HIBCH: variants seen among roughly 807,000 people sequenced by gnomAD.
The protein encoded by HIBCH is 3-hydroxyisobutyryl-CoA hydrolase, mitochondrial.
HIBCH carries 50 observed loss-of-function variants against 58.2 expected under a neutral mutation model. That is an observed-to-expected ratio of 0.86 (90% CI 0.68 to 1.09). The LOEUF (loss-of-function observed/expected upper bound fraction) is 1.09, where lower values mean the gene tolerates loss of function less well. Ranked by LOEUF, HIBCH falls within the 50% of genes least tolerant of loss-of-function variation. The pLI, the probability that HIBCH is intolerant of heterozygous loss-of-function variation, is 0.00. For missense variants in HIBCH, 450 were observed against 449.7 expected, an observed-to-expected ratio of 1.00 and a Z score of -0.01; for synonymous variants, 151 against 146.9, an observed-to-expected ratio of 1.03 and a Z score of -0.20.
chr2:190,262,459 C>A (rs546415543), intron 6 of HIBCH, among the ~76,000 whole-genome samples: 37 of 152,266 alleles, frequency 2.4e-4, no homozygotes, highest in African/African-American at 8.4e-4. Flanking sequence ...AGAACTAGAC[C>A]TAGATCCTGC....
intron 11 of HIBCH, among the ~76,000 whole-genome samples, chr2:190,240,091 T>C (rs1464906403): frequency 1.3e-5 from 2 of 152,248 alleles, no homozygotes; most frequent in Admixed American, 6.5e-5. Context: ...CTCCTCTTCA[T>C]ACCTCTGGCA....
Position 190,236,295 on chromosome 2 carries a change from AT to A in HIBCH, c.891+8591del, listed in dbSNP as rs761785775. 1.2e-4 allele frequency among the ~76,000 whole-genome samples: 18 copies of A among 152,210 alleles called. No homozygotes were observed. Among genetic ancestry groups the A allele is most frequent in the Non-Finnish European group, 2.5e-4 (17 of 68,028 alleles). On this transcript the variant is annotated intron_variant, in intron 11 of 13. Coordinates refer to ENST00000359678, the MANE Select transcript of HIBCH (RefSeq NM_014362.4). This position sits in a 1 kb window ranked among gnomAD's most constrained non-coding sequence, Gnocchi z 4.1. Reference sequence around the variant, plus strand: ...TGAAGGTAAAATTTAATTCACAAGTATTTTAATAATAAGTCACATCATCTGT... The same window carrying A: ...TGAAGGTAAAATTTAATTCACAAGTATTTAATAATAAGTCACATCATCTGT...
intron 1 of HIBCH, among the ~76,000 whole-genome samples, chr2:190,194,563 GTTAT>G (rs1432118867): frequency 6.6e-6 from 1 of 150,956 alleles, no homozygotes; most frequent in Non-Finnish European, 1.5e-5. Context: ...TGAAATCCAC[GTTAT>G]TTTAGGGTTC....
chr2:190,196,121 G>A (rs991282654), intron 1 of HIBCH, among the ~76,000 whole-genome samples: 5 of 151,480 alleles, frequency 3.3e-5, no homozygotes, highest in African/African-American at 1.2e-4. Context: ...TTCATATGTT[G>A]GTTTTCTAAT....
chr2:190,302,849 GCTAA>G (rs1362581101), intron 2 of HIBCH, among the ~76,000 whole-genome samples: 1 of 152,308 alleles, frequency 6.6e-6, no homozygotes, highest in East Asian at 1.9e-4. Flanking sequence ...TGATAAGGAA[GCTAA>G]CTAACTTTGG....
intron 6 of HIBCH, among the ~76,000 whole-genome samples, chr2:190,270,492 A>C (rs545141280): frequency 6.6e-6 from 1 of 152,320 alleles, no homozygotes; most frequent in Admixed American, 6.5e-5. Flanking sequence ...GATGTGACTG[A>C]TGTTTACAGA....
At chr2:190,237,316 G>A (rs1018905451) in intron 11 of HIBCH, among the ~76,000 whole-genome samples, 1 of 152,172 alleles carries the variant, frequency 6.6e-6, no homozygotes. Flanking sequence ...CATACAATGA[G>A]TGGTCCTTTG....
rs1687654287 is a variant in HIBCH at position 190,279,760 on chromosome 2, G to C, written c.438+7826C>G. The C allele has an allele frequency of 5.3e-6, 1 of 187,466 alleles. No homozygotes were observed. The highest frequency in any genetic ancestry group is 1.6e-4 in the East Asian group (1 of 6,282). The allele number at this position is 187,466 out of a possible 1,614,324, so 11.6% of individuals were successfully genotyped here. On this transcript the variant is annotated intron_variant, in intron 6 of 13. Coordinates refer to ENST00000359678, the MANE Select transcript of HIBCH (RefSeq NM_014362.4). The surrounding 1 kb of genome is among the most constrained non-coding windows in gnomAD (Gnocchi z 4.2). ...CTTATACTGGTCCAAGCAAGCATTAGGTCATAGCCTGTTCCTCTTCCTTAT... is the reference window on the plus strand; with the variant it reads ...CTTATACTGGTCCAAGCAAGCATTACGTCATAGCCTGTTCCTCTTCCTTAT...
rs575534584 is a variant in HIBCH, at chr2:190,284,016, G to A, written c.438+3570C>T. On this transcript the variant is annotated intron_variant, in intron 6 of 13. Transcript: ENST00000359678. ...AAACAGACTGCTAGGCCCCAGCCTC[G>A]AGACTGATTCTCTAGGCAAACCCAA... Among the ~76,000 whole-genome samples, 70 of 152,304 alleles carry A rather than the reference G, an allele frequency of 4.6e-4. No individual in the cohort carries two copies. The South Asian group carries it at 0.013, about 29-fold the overall frequency.
intron 11 of HIBCH, among the ~76,000 whole-genome samples, chr2:190,228,683 A>G (rs1685996087): frequency 1.3e-5 from 2 of 152,160 alleles, no homozygotes; most frequent in South Asian, 4.1e-4. Context: ...ACACATTTCT[A>G]CTTCTTATGG....
intron 2 of HIBCH, among the ~76,000 whole-genome samples, chr2:190,305,892 G>A (rs1192549578): frequency 6.6e-6 from 1 of 151,776 alleles, no homozygotes; most frequent in East Asian, 1.9e-4. Flanking sequence ...TAATTAAGGG[G>A]GCAACCACAG....
rs551586481 is a variant in HIBCH, at chr2:190,292,007, G to C, written c.305-1522C>G. Reference sequence around the variant, plus strand: ...TTTGTTTTTTGTTTGTTTTGAGACAGAATCTCGCTTTGTTGCCCAGGCTGG... The same window carrying C: ...TTTGTTTTTTGTTTGTTTTGAGACACAATCTCGCTTTGTTGCCCAGGCTGG... On this transcript the variant is annotated intron_variant, in intron 4 of 13. Coordinates refer to ENST00000359678, the MANE Select transcript of HIBCH (RefSeq NM_014362.4). Among the ~76,000 whole-genome samples, 10 of 152,302 alleles carry C rather than the reference G, an allele frequency of 6.6e-5. No individual in the cohort carries two copies. The South Asian group carries it at 2.1e-3, about 32-fold the overall frequency.
chr2:190,225,980 A>G lies in HIBCH; in HGVS notation c.892-12905T>C, dbSNP rs989703884. Among the ~76,000 whole-genome samples the G allele has an allele frequency of 5.3e-5, 8 of 151,716 alleles. 1 individual carries two copies. Among genetic ancestry groups the G allele is most frequent in the Non-Finnish European group, 8.9e-5 (6 of 67,748 alleles). ...GCTGGTTCAACATACACAAATCAAT[A>G]AACGTAACAGACCCAAGGACAAAAA... On this transcript the variant is annotated intron_variant, in intron 11 of 13. Coordinates refer to ENST00000359678, the MANE Select transcript of HIBCH (RefSeq NM_014362.4).
rs17736581 is a variant in HIBCH, at chr2:190,246,319, A to G, written c.751-107T>C. The G allele has an allele frequency of 0.1, 72,565 of 692,698 alleles. 4,547 individuals carry two copies. Among genetic ancestry groups the G allele is most frequent in the Middle Eastern group, 0.19 (492 of 2,538 alleles). The allele number at this position is 692,698 out of a possible 1,614,324, so 42.9% of individuals were successfully genotyped here. ...TGAAAGATTGTCACTTGTCACTTTC[A>G]GTCAAATTACATCTAACTGTCTCAT... On this transcript the variant is annotated intron_variant, in intron 9 of 13. Coordinates refer to ENST00000359678, the MANE Select transcript of HIBCH (RefSeq NM_014362.4).
intron 2 of HIBCH, among the ~76,000 whole-genome samples, chr2:190,309,170 G>C (rs1482089917): frequency 6.6e-6 from 1 of 152,134 alleles, no homozygotes; most frequent in East Asian, 1.9e-4. Context: ...GTTTACACTA[G>C]TTAGGATAAA....
rs1358254521 is a variant in HIBCH at position 190,315,908 on chromosome 2, T to G, written c.35+3808A>C. ...GAAATACAAATTCAATTTTTTGAAT[T>G]TGAATTTGTACTGACATAAGCAGAA... On this transcript the variant is annotated intron_variant, in intron 1 of 13. Transcript: ENST00000359678. This position sits in a 1 kb window ranked among gnomAD's most constrained non-coding sequence, Gnocchi z 5.4. 6.6e-6 allele frequency among the ~76,000 whole-genome samples: 1 copy of G among 152,134 alleles called. No individual in the cohort carries two copies. The highest frequency in any genetic ancestry group is 2.4e-5 in the African/African-American group (1 of 41,422).
chr2:190,292,926 C>A (rs193302191), intron 4 of HIBCH, among the ~76,000 whole-genome samples: 5 of 152,138 alleles, frequency 3.3e-5, no homozygotes, highest in Admixed American at 6.5e-5. Flanking sequence ...TGAAAATTTT[C>A]TGAGTGTCCA....
chr2:190,203,722 A>C (rs1268975160), downstream of HIBCH, among the ~76,000 whole-genome samples: 1 of 152,168 alleles, frequency 6.6e-6, no homozygotes, highest in East Asian at 1.9e-4. Flanking sequence ...GAATTATTTG[A>C]AAGAAAAATG....
intron 7 of HIBCH, among the ~76,000 whole-genome samples, chr2:190,258,577 G>C (rs1290560949): frequency 2.6e-5 from 4 of 152,212 alleles, no homozygotes; most frequent in South Asian, 2.1e-4. Flanking sequence ...GCCACCCCTT[G>C]CATCAGTGTA....
Sources: gnomAD v4.1 joint callset for allele counts (sites outside exome capture counted in the v4.1 genomes callset) on GRCh38, gnomAD v4.1.1 for gene constraint, Gnocchi (gnomAD v3.1) non-coding constraint, MANE v1.5 for transcripts, NCBI Gene and HGNC (gene_info 2026-07-23, HGNC 2026-07-21) for gene names.